Variants in TBCK observed in about 807,000 individuals in gnomAD.
TBCK encodes the protein TBC1 domain containing kinase, also known as TBC domain-containing protein kinase-like protein.
In TBCK, 99 loss-of-function variants were observed where a neutral mutation model predicts 113.4. The observed-to-expected ratio is 0.87, with a 90% CI of 0.74 to 1.03. The LOEUF (loss-of-function observed/expected upper bound fraction) is 1.03. Ranked by LOEUF, TBCK falls within the 50% of genes least tolerant of loss-of-function variation. The pLI, the probability that TBCK is intolerant of heterozygous loss-of-function variation, is 0.00. For missense variants in TBCK, 1,045 were observed against 1,061.3 expected (o/e 0.98, Z 0.21); for synonymous variants, 369 against 370.8 (o/e 1.00, Z 0.05).
chr4:106,177,577 A>T (rs781111266), intron 22 of TBCK, among the ~76,000 whole-genome samples: 5 of 151,766 alleles, frequency 3.3e-5, no homozygotes, highest in Non-Finnish European at 5.9e-5. Context: ...ACCATTTATT[A>T]AAAAAAACCT....
intron 24 of TBCK, among the ~76,000 whole-genome samples, chr4:106,110,011 T>C (rs975567125): frequency 1.3e-5 from 2 of 152,222 alleles, no homozygotes; most frequent in African/African-American, 2.4e-5. Flanking sequence ...GGAATTGATC[T>C]AGATAAGTTA....
chr4:106,240,998 T>A (rs140305195), intron 12 of TBCK, among the ~76,000 whole-genome samples: 1 of 152,038 alleles, frequency 6.6e-6, no homozygotes, highest in African/African-American at 2.4e-5. Context: ...CTATACATAA[T>A]AGGTCAATGA....
intron 23 of TBCK, among the ~76,000 whole-genome samples, chr4:106,128,554 T>C (rs967728546): frequency 3.3e-5 from 5 of 152,200 alleles, no homozygotes; most frequent in Admixed American, 1.3e-4. Flanking sequence ...ACATTCATGA[T>C]ATCACAATAT....
intron 25 of TBCK, among the ~76,000 whole-genome samples, chr4:106,074,025 T>G (rs11736679): frequency 0.063 from 9,570 of 152,260 alleles, 354 homozygotes; most frequent in Non-Finnish European, 0.081. Flanking sequence ...CTGTCATGGC[T>G]TCCCTTGGCT....
At chr4:106,058,342 C>T (rs1000535796) in intron 25 of TBCK, among the ~76,000 whole-genome samples, 1 of 151,656 alleles carries the variant, frequency 6.6e-6, no homozygotes, top group Non-Finnish European at 1.5e-5. Flanking sequence ...AAGCTTTGTG[C>T]CCTCACATGG....
At chr4:106,118,070 G>C (rs1292060437) in intron 23 of TBCK, among the ~76,000 whole-genome samples, 1 of 150,980 alleles carries the variant, frequency 6.6e-6, no homozygotes, top group Non-Finnish European at 1.5e-5. Context: ...TAACATATGA[G>C]GATTCAAAAA....
intron 2 of TBCK, among the ~76,000 whole-genome samples, chr4:106,298,934 G>A (rs935920486): frequency 6.6e-6 from 1 of 152,160 alleles, no homozygotes; most frequent in East Asian, 1.9e-4. Flanking sequence ...GACATCCACT[G>A]GGGGTGCTGG....
chr4:106,294,999 T>C, intron 3 of TBCK, 95 bp downstream of exon 3: 1 of 941,152 alleles, frequency 1.1e-6, no homozygotes, highest in Non-Finnish European at 1.6e-6. Flanking sequence ...ATTAAACAAG[T>C]AACAAAAGAA....
intron 25 of TBCK, 30 bp downstream of exon 25, chr4:106,095,452 T>C (rs1341891961): frequency 4.4e-6 from 7 of 1,598,008 alleles, no homozygotes; most frequent in Middle Eastern, 1.7e-4. Context: ...ACTCATCATA[T>C]GTACATATGA....
At chr4:106,271,676 C>A (rs1271630857) in intron 3 of TBCK, among the ~76,000 whole-genome samples, 8 of 150,800 alleles carry the variant, frequency 5.3e-5, no homozygotes, top group Admixed American at 2.6e-4. Flanking sequence ...TGCTTGAACC[C>A]AGGAGGCAGA....
chr4:106,104,879 G>A (rs1391718316), intron 24 of TBCK, among the ~76,000 whole-genome samples: 2 of 152,206 alleles, frequency 1.3e-5, no homozygotes, highest in Non-Finnish European at 2.9e-5. Flanking sequence ...GGCCTAGAGT[G>A]GGCCCCAAGC....
chr4:106,129,314 C>T (rs1745598098), intron 23 of TBCK, among the ~76,000 whole-genome samples: 2 of 152,090 alleles, frequency 1.3e-5, no homozygotes, highest in South Asian at 4.1e-4. Context: ...CTGGACAGGC[C>T]CCAGTGTGTG....
At chr4:106,251,838 T>C in intron 6 of TBCK, 28 bp downstream of exon 6, 1 of 1,453,500 alleles carries the variant, frequency 6.9e-7, no homozygotes, top group South Asian at 1.6e-5. Flanking sequence ...AATTTCCTTT[T>C]ATTATATTAA....
intron 25 of TBCK, among the ~76,000 whole-genome samples, chr4:106,067,724 T>C (rs1473728318): frequency 6.6e-6 from 1 of 152,192 alleles, no homozygotes; most frequent in Admixed American, 6.5e-5. Context: ...TATTCAGTTT[T>C]CCCAGCACCA....
intron 25 of TBCK, among the ~76,000 whole-genome samples, chr4:106,070,913 T>G (rs1205099900): frequency 6.6e-6 from 1 of 152,336 alleles, no homozygotes; most frequent in East Asian, 1.9e-4. Context: ...TCTTCTAGAT[T>G]TTCTAGTTTA....
Position 106,140,813 on chromosome 4 carries a change from A to G in TBCK, c.2236-24435T>C, listed in dbSNP as rs1747077681. 1.4e-5 allele frequency among the ~76,000 whole-genome samples: 2 copies of G among 139,544 alleles called. 1 individual carries two copies. Among genetic ancestry groups the G allele is most frequent in the Non-Finnish European group, 3.3e-5 (2 of 61,508 alleles). 91.5% of individuals were successfully genotyped at this position (139,544 alleles called of 152,430 possible). ...CCAGTGGTGATCAGAGACTTTAAATATACCCTTGACTTAAACCGAAAGTTT... is the reference window on the plus strand; with the variant it reads ...CCAGTGGTGATCAGAGACTTTAAATGTACCCTTGACTTAAACCGAAAGTTT... On this transcript the variant is annotated intron_variant, in intron 23 of 25. Coordinates refer to ENST00000394708, the MANE Select transcript of TBCK (RefSeq NM_001163435.3).
chr4:106,156,364 A>AT (rs1324153102), intron 23 of TBCK, among the ~76,000 whole-genome samples: 2 of 152,202 alleles, frequency 1.3e-5, no homozygotes, highest in Admixed American at 6.5e-5. Context: ...GCTTGCTGTC[A>AT]TAACTACTAT....
intron 12 of TBCK, chr4:106,237,598 A>G (rs1439903738): frequency 2.2e-6 from 1 of 452,076 alleles, no homozygotes; most frequent in Non-Finnish European, 4.4e-6. Flanking sequence ...TCTTCTGCTG[A>G]TTAGAGTCTT....
chr4:106,297,073 C>G (rs1474911480), intron 2 of TBCK, among the ~76,000 whole-genome samples: 2 of 152,108 alleles, frequency 1.3e-5, no homozygotes, highest in Non-Finnish European at 2.9e-5. Flanking sequence ...CCCTCAGTAT[C>G]CTCTGTAAAT....
Sources: allele counts gnomAD v4.1 joint callset (sites outside exome capture counted in the v4.1 genomes callset), GRCh38; gene constraint gnomAD v4.1.1; transcripts MANE v1.5; gene names NCBI Gene and HGNC (gene_info 2026-07-23, HGNC 2026-07-21).